Variants in SPIDR observed in about 807,000 individuals in gnomAD.
SPIDR encodes the protein scaffold protein involved in DNA repair, also known as DNA repair-scaffolding protein.
In SPIDR, 93 loss-of-function variants were observed where a neutral mutation model predicts 104.6. The ratio of observed to expected loss-of-function variants is 0.89; its 90% CI spans 0.75 to 1.06. The LOEUF (loss-of-function observed/expected upper bound fraction) is 1.06, where lower values mean the gene tolerates loss of function less well. SPIDR is among the 50% of genes least tolerant of loss of function. The probability of loss-of-function intolerance (pLI) is 0.00; values close to 1 mark genes in which losing one functional copy is unlikely to be tolerated. For missense variants in SPIDR, 1,154 were observed against 1,111.2 expected (o/e 1.04, Z -0.55); for synonymous variants, 431 against 416.9 (o/e 1.03, Z -0.41).
chr8:47,500,924 G>T (rs55841214), intron 8 of SPIDR, among the ~76,000 whole-genome samples: 1 of 152,144 alleles, frequency 6.6e-6, no homozygotes, highest in Admixed American at 6.5e-5. Context: ...GCTTGTTTTT[G>T]TCAGGTTTGT....
At chr8:47,387,384 T>G (rs1554649029) in intron 5 of SPIDR, among the ~76,000 whole-genome samples, 4 of 152,066 alleles carry the variant, frequency 2.6e-5, no homozygotes, top group Non-Finnish European at 4.4e-5. Context: ...TTGTTCTGAT[T>G]GTGGTGTGTA....
At position 47,386,916 on chromosome 8, in the gene SPIDR, GATAT is replaced by G. The variant is rs1554648652; in HGVS notation, c.526-9458_526-9455del. ...AAAGAGAGAGAGAGATATAGATATA[GATAT>G]AGATATAGATATAGATATAGATATA... On this transcript the variant is annotated intron_variant, in intron 5 of 19. Transcript: ENST00000297423. Among the ~76,000 whole-genome samples the G allele has an allele frequency of 4.1e-4, 37 of 90,990 alleles. 1 individual carries two copies. Among genetic ancestry groups the G allele is most frequent in the African/African-American group, 2.3e-3 (37 of 16,390 alleles). The allele number at this position is 90,990 out of a possible 152,430, so 59.7% of individuals were successfully genotyped here.
Position 47,700,459 on chromosome 8 carries a change from A to G in SPIDR, c.1742A>G (p.Lys581Arg). Residue 581 changes from lysine to arginine, a missense_variant, in exon 12 of 20, where the codon AAA becomes AGA. By Grantham distance (26) the Lys-to-Arg change is conservative. Transcript: ENST00000297423. ...CTGTGGCCCCCAGCGATACCTCTGAAAACACCTGGCCGCGACCAGCCCTGT... is the reference window on the plus strand; with the variant it reads ...CTGTGGCCCCCAGCGATACCTCTGAGAACACCTGGCCGCGACCAGCCCTGT... ...DTLWPPAIPL[K>R]TPGRDQPCEE... 1.9e-6 allele frequency: 3 copies of G among 1,614,176 alleles called. No homozygotes were observed. Among genetic ancestry groups the G allele is most frequent in the Non-Finnish European group, 2.5e-6 (3 of 1,180,034 alleles).
chr8:47,413,395 G>A lies in SPIDR; in HGVS notation c.877+5434G>A, dbSNP rs140714943. 2.5e-4 allele frequency among the ~76,000 whole-genome samples: 38 copies of A among 152,284 alleles called. No individual in the cohort carries two copies. The East Asian group carries it at 5.8e-3, about 23-fold the overall frequency. On this transcript the variant is annotated intron_variant, in intron 7 of 19. Transcript: ENST00000297423. The stretch of plus-strand genomic sequence containing the variant: ...AAGGAAGAGACAGGGCCAAAGCCAG[G>A]CCTCCTGGTTCCCAGTGCCATGCTC...
chr8:47,277,038 C>T (rs2036573759), intron 1 of SPIDR: 1 of 151,782 alleles, frequency 6.6e-6, no homozygotes, highest in Non-Finnish European at 1.5e-5. Flanking sequence ...AAGCGATTCT[C>T]CTGCCTCAGC....
At chr8:47,709,355 G>A (rs7839418) in intron 14 of SPIDR, among the ~76,000 whole-genome samples, 8,143 of 152,272 alleles carry the variant, frequency 0.053, 306 homozygotes, top group Non-Finnish European at 0.082. Flanking sequence ...AGCCAGGCTG[G>A]TCTCGAACTC....
intron 7 of SPIDR, among the ~76,000 whole-genome samples, chr8:47,410,291 C>A (rs2063325843): frequency 6.6e-6 from 1 of 151,886 alleles, no homozygotes; most frequent in African/African-American, 2.4e-5. Flanking sequence ...AAGCGATTCT[C>A]CTCCTCAACC....
intron 6 of SPIDR, among the ~76,000 whole-genome samples, chr8:47,404,219 T>C (rs1374868028): frequency 6.6e-6 from 1 of 152,208 alleles, no homozygotes; most frequent in Non-Finnish European, 1.5e-5. Flanking sequence ...ATTAAAGCAT[T>C]AAATGTTAAA....
At chr8:47,339,309 A>G (rs79297652) in intron 5 of SPIDR, among the ~76,000 whole-genome samples, 5,130 of 152,242 alleles carry the variant, frequency 0.034, 278 homozygotes, top group African/African-American at 0.12. Context: ...CGAATTTACT[A>G]TGATCCTACT....
At chr8:47,351,456 G>A (rs1422780004) in intron 5 of SPIDR, among the ~76,000 whole-genome samples, 1 of 152,210 alleles carries the variant, frequency 6.6e-6, no homozygotes, top group African/African-American at 2.4e-5. Flanking sequence ...GTGGTAAAGA[G>A]CTGGGATGAA....
intron 10 of SPIDR, among the ~76,000 whole-genome samples, chr8:47,638,125 C>CTGTTT (rs905445153): frequency 4.0e-5 from 6 of 151,724 alleles, no homozygotes; most frequent in African/African-American, 1.5e-4. Flanking sequence ...TTTGAGTGTT[C>CTGTTT]TGTTTTGTTT....
chr8:47,583,185 AG>A (rs1412678255), intron 8 of SPIDR, among the ~76,000 whole-genome samples: 4 of 151,590 alleles, frequency 2.6e-5, no homozygotes, highest in Non-Finnish European at 5.9e-5. Flanking sequence ...GGGCGCCTGT[AG>A]TCCCAGCTAC....
At chr8:47,489,367 G>T (rs950661824) in intron 8 of SPIDR, among the ~76,000 whole-genome samples, 9 of 152,144 alleles carry the variant, frequency 5.9e-5, no homozygotes, top group Non-Finnish European at 1.3e-4. Context: ...ACAAACAAAT[G>T]GAAGAACATT....
chr8:47,273,654 C>G (rs2035787218), intron 1 of SPIDR, among the ~76,000 whole-genome samples: 1 of 150,982 alleles, frequency 6.6e-6, no homozygotes, highest in Non-Finnish European at 1.5e-5. Context: ...AGTGCAGTAG[C>G]TTGACCTTGA....
intron 8 of SPIDR, among the ~76,000 whole-genome samples, chr8:47,513,592 A>AGGTCATG (rs2082688669): frequency 6.6e-6 from 1 of 152,214 alleles, no homozygotes; most frequent in African/African-American, 2.4e-5. Context: ...TTCCTCTTGT[A>AGGTCATG]GGTCATGTTG....
chr8:47,639,533 G>A (rs761235036), intron 10 of SPIDR, among the ~76,000 whole-genome samples: 4 of 152,076 alleles, frequency 2.6e-5, no homozygotes, highest in East Asian at 1.9e-4. Flanking sequence ...AGTGTATGGC[G>A]TTCCTTTACC....
intron 19 of SPIDR, among the ~76,000 whole-genome samples, chr8:47,732,393 T>C (rs1226271038): frequency 1.3e-5 from 2 of 152,234 alleles, no homozygotes; most frequent in Non-Finnish European, 2.9e-5. Flanking sequence ...TATGCACATA[T>C]GCTGGACACA....
chr8:47,730,100 C>T (rs773846509), intron 19 of SPIDR, among the ~76,000 whole-genome samples: 55 of 152,168 alleles, frequency 3.6e-4, no homozygotes, highest in Non-Finnish European at 6.3e-4. Context: ...GGATGGAATT[C>T]CCCAAGATGC....
intron 8 of SPIDR, among the ~76,000 whole-genome samples, chr8:47,588,758 G>T (rs1237801819): frequency 6.6e-6 from 1 of 152,090 alleles, no homozygotes; most frequent in African/African-American, 2.4e-5. Flanking sequence ...GATTTCAGAG[G>T]TTTTTTAAAA....
Sources: gnomAD v4.1 joint callset for allele counts (sites outside exome capture counted in the v4.1 genomes callset) on GRCh38, gnomAD v4.1.1 for gene constraint, MANE v1.5 for transcripts, NCBI Gene and HGNC (gene_info 2026-07-23, HGNC 2026-07-21) for gene names.